The following GRIK3 variants were observed in gnomAD, a reference collection of about 807,000 sequenced individuals.
The protein encoded by GRIK3 is glutamate ionotropic receptor kainate type subunit 3.
GRIK3 carries 29 observed loss-of-function variants against 102.5 expected under a neutral mutation model. The observed-to-expected ratio is 0.28, with a 90% CI of 0.21 to 0.39. The LOEUF is 0.39. GRIK3 is among the 10% of genes least tolerant of loss of function. GRIK3 has a pLI of 1.00. For synonymous variants in GRIK3, 511 were observed against 504.9 expected (o/e 1.01, Z -0.16); for missense variants, 908 against 1,252.4 (o/e 0.73, Z 4.15).
chr1:36,829,720 T>G (rs934263605), intron 10 of GRIK3, among the ~76,000 whole-genome samples: 1 of 152,156 alleles, frequency 6.6e-6, no homozygotes, highest in Non-Finnish European at 1.5e-5. Flanking sequence ...TATCCTTGCA[T>G]GAGGTCACCT....
chr1:36,882,731 C>T (rs1404527893), intron 2 of GRIK3, among the ~76,000 whole-genome samples: 2 of 152,178 alleles, frequency 1.3e-5, no homozygotes, highest in Non-Finnish European at 2.9e-5. Context: ...AAGGAAGTAA[C>T]AGCTGGAGCT....
At chr1:36,980,576 C>G (rs1436458887) in intron 1 of GRIK3, among the ~76,000 whole-genome samples, 9 of 151,918 alleles carry the variant, frequency 5.9e-5, no homozygotes, top group Non-Finnish European at 1.3e-4. Flanking sequence ...CCCCCCACCC[C>G]ACACCCAGAT....
At chr1:36,894,897 G>GTTC (rs3059429) in intron 1 of GRIK3, among the ~76,000 whole-genome samples, 6,821 of 152,288 alleles carry the variant, frequency 0.045, 403 homozygotes, top group African/African-American at 0.13. Context: ...AGAGCATTCT[G>GTTC]TTTTTAACAA....
At chr1:36,828,073 GA>G (rs34670494) in intron 10 of GRIK3, among the ~76,000 whole-genome samples, 3,445 of 125,710 alleles carry the variant, frequency 0.027, 112 homozygotes, top group East Asian at 0.19. Context: ...AAAGAAAGCA[GA>G]AAAAAAAAAA....
chr1:36,942,772 G>A (rs967656214), intron 1 of GRIK3, among the ~76,000 whole-genome samples: 5 of 151,974 alleles, frequency 3.3e-5, no homozygotes, highest in East Asian at 3.9e-4. Context: ...GCCAAACCCC[G>A]CCCCCATGGT....
intron 1 of GRIK3, among the ~76,000 whole-genome samples, chr1:36,977,896 C>G (rs1457045717): frequency 6.6e-6 from 1 of 152,250 alleles, no homozygotes; most frequent in Non-Finnish European, 1.5e-5. Flanking sequence ...CATGTGGAGC[C>G]AACTCTGGGG....
intron 5 of GRIK3, among the ~76,000 whole-genome samples, chr1:36,864,053 G>A (rs1640756315): frequency 6.6e-6 from 1 of 152,166 alleles, no homozygotes; most frequent in Non-Finnish European, 1.5e-5. Flanking sequence ...TGATATAAGT[G>A]TTATTGCCGG....
At chr1:36,914,535 C>T (rs372554573) in intron 1 of GRIK3, among the ~76,000 whole-genome samples, 18 of 152,256 alleles carry the variant, frequency 1.2e-4, no homozygotes, top group Middle Eastern at 3.4e-3. Flanking sequence ...TTCTGGAAAT[C>T]GCTGTGTTAC....
At chr1:36,824,726 G>A (rs371393092) in intron 11 of GRIK3, among the ~76,000 whole-genome samples, 4 of 152,162 alleles carry the variant, frequency 2.6e-5, no homozygotes, top group South Asian at 2.1e-4. Flanking sequence ...AGAGGGCTCC[G>A]CTGGAAAGGG....
intron 1 of GRIK3, among the ~76,000 whole-genome samples, chr1:36,893,984 C>A (rs2124275792): frequency 6.6e-6 from 1 of 152,150 alleles, no homozygotes; most frequent in Admixed American, 6.5e-5. Flanking sequence ...ATATTTTTTC[C>A]AATTAAACCT....
chr1:36,948,454 C>T (rs1641808036), intron 1 of GRIK3, among the ~76,000 whole-genome samples: 1 of 152,144 alleles, frequency 6.6e-6, no homozygotes, highest in African/African-American at 2.4e-5. Context: ...AACCTATGTG[C>T]CTGGCTTCCT....
chr1:36,925,410 G>A (rs1475534760), intron 1 of GRIK3, among the ~76,000 whole-genome samples: 2 of 152,246 alleles, frequency 1.3e-5, no homozygotes, highest in South Asian at 2.1e-4. Context: ...TGCCCTCGGA[G>A]CCTTTCCCCT....
chr1:36,936,662 A>G (rs1328388540), intron 1 of GRIK3, among the ~76,000 whole-genome samples: 5 of 152,022 alleles, frequency 3.3e-5, no homozygotes, highest in Non-Finnish European at 7.4e-5. Flanking sequence ...GCACTCACAC[A>G]CGTACTTGTT....
chr1:36,986,455 CAT>C (rs1491543368), intron 1 of GRIK3, among the ~76,000 whole-genome samples: 48 of 148,244 alleles, frequency 3.2e-4, no homozygotes, highest in African/African-American at 1.1e-3. Flanking sequence ...TCCATCCATC[CAT>C]CCATCAGCCC....
chr1:36,909,806 T>A (rs1641326288), intron 1 of GRIK3, among the ~76,000 whole-genome samples: 1 of 152,180 alleles, frequency 6.6e-6, no homozygotes, highest in Admixed American at 6.5e-5. Flanking sequence ...TGCAACCAAC[T>A]TCTTTCTTCA....
chr1:36,851,703 C>T (rs887622488), intron 8 of GRIK3, among the ~76,000 whole-genome samples: 2 of 152,256 alleles, frequency 1.3e-5, no homozygotes, highest in Non-Finnish European at 2.9e-5. Flanking sequence ...GTGGCTGTGA[C>T]CCGGTGCCTT....
chr1:36,833,261 C>T (rs1640332077), intron 10 of GRIK3, among the ~76,000 whole-genome samples: 1 of 152,212 alleles, frequency 6.6e-6, no homozygotes, highest in African/African-American at 2.4e-5. Context: ...TGTCCCCTGC[C>T]TGCCTCTCTC....
At chr1:36,875,513 A>G (rs984950396) in intron 3 of GRIK3, among the ~76,000 whole-genome samples, 2 of 152,268 alleles carry the variant, frequency 1.3e-5, no homozygotes, top group African/African-American at 4.8e-5. Context: ...GTTGGCAGGT[A>G]CCATGCAGGC....
At chr1:36,929,711 G>A (rs1039516957) in intron 1 of GRIK3, among the ~76,000 whole-genome samples, 8 of 152,216 alleles carry the variant, frequency 5.3e-5, no homozygotes, top group Non-Finnish European at 8.8e-5. Flanking sequence ...CAGGGATGGT[G>A]TATTAGCTAT....
Sources: gnomAD v4.1 joint callset for allele counts (sites outside exome capture counted in the v4.1 genomes callset) on GRCh38, gnomAD v4.1.1 for gene constraint, MANE v1.5 for transcripts, NCBI Gene and HGNC (gene_info 2026-07-23, HGNC 2026-07-21) for gene names.